The following ZNF516 variants were observed in gnomAD, a reference collection of about 807,000 sequenced individuals.
The protein encoded by ZNF516 is zinc finger protein 516.
A neutral mutation model predicts 79.7 loss-of-function variants in ZNF516; 19 were observed. That is an observed-to-expected ratio of 0.24 (90% CI 0.17 to 0.35). The LOEUF (loss-of-function observed/expected upper bound fraction) is 0.35. Ranked by LOEUF, ZNF516 falls within the 10% of genes least tolerant of loss-of-function variation. The pLI is 1.00. For missense variants in ZNF516, 1,678 were observed against 1,679.5 expected, an observed-to-expected ratio of 1.00 and a Z score of 0.02; for synonymous variants, 877 against 739.5, an observed-to-expected ratio of 1.19 and a Z score of -3.02.
chr18:76,488,271 G>A (rs1393415066), intron 1 of ZNF516: 1 of 983,794 alleles, frequency 1.0e-6, no homozygotes, highest in Non-Finnish European at 1.2e-6. Flanking sequence ...AATAAAATTA[G>A]TTCTTCACGT....
At position 76,443,142 on chromosome 18, in the gene ZNF516, G is replaced by A. The variant is rs1237731973; in HGVS notation, c.-88C>T. 4 of 1,463,186 alleles carry A rather than the reference G, an allele frequency of 2.7e-6. No individual in the cohort carries two copies. The highest frequency in any genetic ancestry group is 3.6e-6 in the Non-Finnish European group (4 of 1,114,078). 90.6% of individuals were successfully genotyped at this position (1,463,186 alleles called of 1,614,324 possible). ...GTCCTATCTCTCCATGGTCAGAAGAGCCAAAAGACGTGCCTGCTCCCAGGA... is the reference window on the plus strand; with the variant it reads ...GTCCTATCTCTCCATGGTCAGAAGAACCAAAAGACGTGCCTGCTCCCAGGA... On this transcript the variant is annotated 5_prime_UTR_variant, in exon 3 of 7. Coordinates refer to ENST00000443185, the MANE Select transcript of ZNF516 (RefSeq NM_014643.4).
In ZNF516 at chr18:76,441,563, C is replaced by A; in HGVS notation, c.1492G>T (p.Ala498Ser). The A allele has an allele frequency of 6.7e-7, 1 of 1,490,064 alleles. No individual in the cohort carries two copies. Among genetic ancestry groups the A allele is most frequent in the Non-Finnish European group, 8.9e-7 (1 of 1,125,016 alleles). The allele number at this position is 1,490,064 out of a possible 1,614,324, so 92.3% of individuals were successfully genotyped here. A position where few individuals can be genotyped will look rare whatever the true frequency, so the allele number is the denominator to read the frequency against. Reference protein sequence around the residue: ...APAGHLDPRSAARPNRRAAAT... With the variant: ...APAGHLDPRSSARPNRRAAAT... ...GCGGCCCTGCGGTTGGGGCGCGCGG[C>A]CGAGCGGGGATCGAGGTGGCCGGCG... Residue 498 changes from alanine (A) to serine (S), a missense_variant, in exon 3 of 7, where the codon GCC becomes TCC. By Grantham distance (99) the Ala-to-Ser change is moderately conservative. Transcript: ENST00000443185.
chr18:76,440,515 G>T (rs941684353), intron 3 of ZNF516, among the ~76,000 whole-genome samples: 1 of 152,130 alleles, frequency 6.6e-6, no homozygotes, highest in East Asian at 1.9e-4. Flanking sequence ...AATAATAAAA[G>T]AAATATCAAA....
At position 76,410,955 on chromosome 18, in the gene ZNF516, G is replaced by A. The variant is rs983964466; in HGVS notation, c.1810+30290C>T. ...AGTCTGCCTTTCAATATATCAATGA[G>A]AAGAACTTGCATGTCCTAAAAGCAG... On this transcript the variant is annotated intron_variant, in intron 3 of 6. Coordinates refer to ENST00000443185, the MANE Select transcript of ZNF516 (RefSeq NM_014643.4). 9.2e-5 allele frequency among the ~76,000 whole-genome samples: 14 copies of A among 152,290 alleles called. No homozygotes were observed. In the South Asian group the frequency reaches 2.9e-3, roughly 32 times the overall value.
intron 3 of ZNF516, among the ~76,000 whole-genome samples, chr18:76,425,872 C>A (rs1221729897): frequency 6.6e-6 from 1 of 152,178 alleles, no homozygotes; most frequent in Non-Finnish European, 1.5e-5. Flanking sequence ...TGCAAAAATA[C>A]CCAGGCCCAA....
intron 3 of ZNF516, among the ~76,000 whole-genome samples, chr18:76,440,604 T>C (rs2075801414): frequency 6.6e-6 from 1 of 152,230 alleles, no homozygotes; most frequent in African/African-American, 2.4e-5. Flanking sequence ...CATGGCTATG[T>C]GAAAAGTAAT....
intron 5 of ZNF516, among the ~76,000 whole-genome samples, chr18:76,370,841 GGT>G (rs540797014): frequency 7.2e-5 from 11 of 152,238 alleles, no homozygotes; most frequent in African/African-American, 2.4e-4. Flanking sequence ...ATTAATTATC[GGT>G]GTGTGTGTAA....
In ZNF516 at chr18:76,379,967, T is replaced by C. The variant is rs1274588455; in HGVS notation, c.2147A>G (p.Lys716Arg). ...CCGCTTCCCTCCCCCAGAGTGTTCC[T>C]TGTTGTGCAAATCGGACAGCTTTTC... Reference protein sequence around the residue: ...PAEKLSDLHNKEHSGGGKRAL... With the variant: ...PAEKLSDLHNREHSGGGKRAL... Residue 716 changes from lysine to arginine, a missense_variant, in exon 4 of 7, where the codon AAG becomes AGG. By Grantham distance (26) the Lys-to-Arg change is conservative. Transcript: ENST00000443185. The C allele has an allele frequency of 1.2e-6, 2 of 1,613,746 alleles. No homozygotes were observed. The highest frequency in any genetic ancestry group is 1.3e-5 in the African/African-American group (1 of 74,910).
chr18:76,449,839 T>C (rs1280244349), intron 2 of ZNF516, among the ~76,000 whole-genome samples: 1 of 152,230 alleles, frequency 6.6e-6, no homozygotes, highest in Non-Finnish European at 1.5e-5. Flanking sequence ...TCAAAATAGC[T>C]AAATAGGAAC....
chr18:76,364,509 C>T (rs573133027), intron 6 of ZNF516, among the ~76,000 whole-genome samples: 1 of 152,316 alleles, frequency 6.6e-6, no homozygotes, highest in Non-Finnish European at 1.5e-5. Context: ...CAGCTGTGAA[C>T]TGTGGGCTTT....
chr18:76,378,549 C>T (rs572519683), intron 4 of ZNF516, among the ~76,000 whole-genome samples: 35 of 152,308 alleles, frequency 2.3e-4, no homozygotes, highest in African/African-American at 7.2e-4. Flanking sequence ...GTGGAGGAAA[C>T]GTCCTCTCAG....
In ZNF516 at chr18:76,359,459, T is replaced by C. The variant is rs1251333974; in HGVS notation, c.*3039A>G. On this transcript the variant is annotated 3_prime_UTR_variant, in exon 7 of 7. Transcript: ENST00000443185. ...ACTTTTGAGAGAATTTAAATATTCATTCTTCAAATTAAGGAATACAAGTGA... is the reference window on the plus strand; with the variant it reads ...ACTTTTGAGAGAATTTAAATATTCACTCTTCAAATTAAGGAATACAAGTGA... 1 of 152,222 alleles carries C rather than the reference T, an allele frequency of 6.6e-6. No individual in the cohort carries two copies. The highest frequency in any genetic ancestry group is 6.5e-5 in the Admixed American group (1 of 15,286). The allele number at this position is 152,222 out of a possible 1,614,324, so 9.4% of individuals were successfully genotyped here. A position where few individuals can be genotyped will look rare whatever the true frequency, so the allele number is the denominator to read the frequency against.
chr18:76,383,679 T>C (rs1467015161), intron 3 of ZNF516, among the ~76,000 whole-genome samples: 1 of 152,118 alleles, frequency 6.6e-6, no homozygotes, highest in Non-Finnish European at 1.5e-5. Context: ...CCCCGGACCC[T>C]CTTCTGACCG....
chr18:76,405,083 G>A (rs931055119), intron 3 of ZNF516, among the ~76,000 whole-genome samples: 2 of 152,148 alleles, frequency 1.3e-5, no homozygotes, highest in Non-Finnish European at 1.5e-5. Context: ...GCAGATACTC[G>A]CTTTCCTCAG....
At chr18:76,362,674 C>T (rs914875541) in intron 6 of ZNF516, 117 bp from the exon 7 acceptor site, 40 of 1,008,856 alleles carry the variant, frequency 4.0e-5, no homozygotes, top group Non-Finnish European at 5.5e-5. Context: ...ATGACCTTCA[C>T]AAAGCAAGCC....
intron 2 of ZNF516, among the ~76,000 whole-genome samples, chr18:76,452,359 C>CA (rs770403712): frequency 6.6e-6 from 1 of 152,182 alleles, no homozygotes; most frequent in East Asian, 1.9e-4. Flanking sequence ...GTTGTCTTTA[C>CA]ATTACTTAGC....
intron 4 of ZNF516, among the ~76,000 whole-genome samples, chr18:76,376,635 A>C (rs1285563736): frequency 6.6e-6 from 1 of 152,186 alleles, no homozygotes; most frequent in African/African-American, 2.4e-5. Flanking sequence ...TCTATCATCT[A>C]AAATTTCAAA....
intron 3 of ZNF516, among the ~76,000 whole-genome samples, chr18:76,436,097 G>T (rs893335793): frequency 3.9e-5 from 6 of 152,236 alleles, no homozygotes; most frequent in African/African-American, 1.4e-4. Context: ...GCTGTGGCAC[G>T]ACGAAGGAAC....
chr18:76,471,274 A>G (rs1274488711), intron 1 of ZNF516, among the ~76,000 whole-genome samples: 1 of 151,976 alleles, frequency 6.6e-6, no homozygotes, highest in African/African-American at 2.4e-5. Context: ...AAAAAGACAT[A>G]TTATTTCAGG....
Sources: gnomAD v4.1 joint callset for allele counts (sites outside exome capture counted in the v4.1 genomes callset) on GRCh38, gnomAD v4.1.1 for gene constraint, MANE v1.5 for transcripts, NCBI Gene and HGNC (gene_info 2026-07-23, HGNC 2026-07-21) for gene names.